LOXHD1: variants seen among roughly 807,000 people sequenced by gnomAD.
The protein encoded by LOXHD1 is lipoxygenase homology domain-containing protein 1.
In LOXHD1, 205 loss-of-function variants were observed where a neutral mutation model predicts 248.2. That is an observed-to-expected ratio of 0.83 (90% CI 0.74 to 0.93). The LOEUF is 0.93. Ranked by LOEUF, LOXHD1 falls within the 40% of genes least tolerant of loss-of-function variation. The pLI, the probability that LOXHD1 is intolerant of heterozygous loss-of-function variation, is 0.00. For synonymous variants in LOXHD1, 1,113 were observed against 1,162.8 expected (o/e 0.96, Z 0.87); for missense variants, 2,930 against 2,971.6 (o/e 0.99, Z 0.33).
chr18:46,586,597 G>A (rs763262370), intron 12 of LOXHD1, among the ~76,000 whole-genome samples: 1 of 137,470 alleles, frequency 7.3e-6, no homozygotes, highest in African/African-American at 2.7e-5. Flanking sequence ...AGGTACCTGC[G>A]ACCATGCCTG....
At chr18:46,511,363 C>T (rs1407443298) in intron 34 of LOXHD1, among the ~76,000 whole-genome samples, 4 of 152,198 alleles carry the variant, frequency 2.6e-5, no homozygotes, top group Admixed American at 6.5e-5. Context: ...GCCCCTGGTT[C>T]ACAGGGACAG....
chr18:46,582,644 A>G (rs1599026250), intron 12 of LOXHD1, among the ~76,000 whole-genome samples: 1 of 152,356 alleles, frequency 6.6e-6, no homozygotes, highest in East Asian at 1.9e-4. Flanking sequence ...AAACATTTCC[A>G]TCAAAAGCCG....
At chr18:46,622,878 TG>T (rs1428045384) in intron 4 of LOXHD1, among the ~76,000 whole-genome samples, 1 of 152,206 alleles carries the variant, frequency 6.6e-6, no homozygotes, top group African/African-American at 2.4e-5. Context: ...TTAAGCTTTT[TG>T]TTCATAGCCT....
At chr18:46,638,375 T>C (rs539435926) in intron 4 of LOXHD1, among the ~76,000 whole-genome samples, 2 of 152,370 alleles carry the variant, frequency 1.3e-5, no homozygotes, top group South Asian at 4.1e-4. Context: ...CTCATGCCTG[T>C]AATCCCAGCA....
intron 4 of LOXHD1, among the ~76,000 whole-genome samples, chr18:46,626,066 C>T (rs1158951230): frequency 6.6e-6 from 1 of 152,128 alleles, no homozygotes; most frequent in African/African-American, 2.4e-5. Flanking sequence ...TCCCTTGAAC[C>T]AACTATTCAA....
intron 4 of LOXHD1, among the ~76,000 whole-genome samples, chr18:46,623,399 T>C (rs564265530): frequency 1.1e-4 from 17 of 152,330 alleles, no homozygotes; most frequent in African/African-American, 4.1e-4. Context: ...ATCTGAAGAA[T>C]ATACAATGAG....
In LOXHD1 at chr18:46,542,681, T is replaced by C. The variant is rs188621921; in HGVS notation, c.3748+46A>G. On this transcript the variant is annotated intron_variant, in intron 24 of 40. Transcript: ENST00000642948. ...CCAGATGCCCACAAGGACCTGTCCA[T>C]GGTCCTTAAAGTCTTAGCAAGGAAC... The C allele has an allele frequency of 3.4e-5, 52 of 1,547,404 alleles. No individual in the cohort carries two copies. In the Admixed American group the frequency reaches 6.9e-4, roughly 20 times the overall value.
chr18:46,572,220 C>T, intron 14 of LOXHD1, 58 bp from the exon 15 acceptor site: 3 of 1,448,962 alleles, frequency 2.1e-6, no homozygotes, highest in Non-Finnish European at 2.8e-6. Flanking sequence ...ACAATCAAAG[C>T]TTCACCCATT....
intron 12 of LOXHD1, among the ~76,000 whole-genome samples, chr18:46,585,710 G>A (rs2038046958): frequency 6.6e-6 from 1 of 152,096 alleles, no homozygotes; most frequent in Admixed American, 6.6e-5. Context: ...ATATAGAACT[G>A]CAAGGGACCC....
intron 1 of LOXHD1, among the ~76,000 whole-genome samples, chr18:46,656,457 C>G (rs887879269): frequency 9.2e-5 from 14 of 152,166 alleles, no homozygotes; most frequent in African/African-American, 3.1e-4. Context: ...TGCAAAGCCC[C>G]AGGCTCCCTG....
chr18:46,509,565 A>G, intron 35 of LOXHD1, 133 bp downstream of exon 35: 1 of 739,394 alleles, frequency 1.4e-6, no homozygotes, highest in South Asian at 1.5e-5. Flanking sequence ...ATACTGGATC[A>G]TATGGGCTGG....
At chr18:46,645,113 T>C (rs555221535) in intron 2 of LOXHD1, among the ~76,000 whole-genome samples, 3 of 152,282 alleles carry the variant, frequency 2.0e-5, no homozygotes, top group Non-Finnish European at 4.4e-5. Context: ...GCTGGGATCA[T>C]CCCAAATAAG....
chr18:46,519,466 T>A (rs566437127), intron 33 of LOXHD1, among the ~76,000 whole-genome samples: 1 of 152,330 alleles, frequency 6.6e-6, no homozygotes, highest in South Asian at 2.1e-4. Flanking sequence ...AGGTTTGAAG[T>A]ATTCTGTGCA....
At chr18:46,572,001 T>C in intron 15 of LOXHD1, 85 bp downstream of exon 15, 1 of 1,173,608 alleles carries the variant, frequency 8.5e-7, no homozygotes. Flanking sequence ...CATGAAGTGC[T>C]CGTGTTTTCT....
chr18:46,619,485 G>C (rs947654786), intron 4 of LOXHD1, among the ~76,000 whole-genome samples: 1 of 152,170 alleles, frequency 6.6e-6, no homozygotes, highest in Non-Finnish European at 1.5e-5. Flanking sequence ...AGTATTTATA[G>C]GAGGGCTGGG....
chr18:46,572,186 T>A (rs761094362), intron 14 of LOXHD1, 24 bp from the exon 15 acceptor site: 35 of 1,547,658 alleles, frequency 2.3e-5, no homozygotes, highest in Non-Finnish European at 3.0e-5. Context: ...GGGGGAATGT[T>A]AGCTCTTTGG....
intron 2 of LOXHD1, among the ~76,000 whole-genome samples, chr18:46,643,001 G>A (rs1198632315): frequency 1.3e-5 from 2 of 152,158 alleles, no homozygotes; most frequent in East Asian, 1.9e-4. Flanking sequence ...ATCCACCATC[G>A]ACGTCTTTTA....
Position 46,601,432 on chromosome 18 carries a change from C to CTGGTG in LOXHD1, c.918_919insCACCA (p.Val307HisfsTer54), listed in dbSNP as rs2038337324. ...TTGGATTTGGTACCAGCCCCCCGGA[C>CTGGTG]ATCCCCAGTGAAGACGGTGACAATA... On this transcript the variant is annotated frameshift_variant, in exon 8 of 41. Transcript: ENST00000642948. LOFTEE classifies it high-confidence loss of function. The CTGGTG allele has an allele frequency of 6.4e-7, 1 of 1,551,632 alleles. No individual in the cohort carries two copies. The highest frequency in any genetic ancestry group is 1.4e-5 in the African/African-American group (1 of 73,040).
intron 16 of LOXHD1, among the ~76,000 whole-genome samples, chr18:46,568,673 A>G (rs1442852751): frequency 6.6e-6 from 1 of 151,938 alleles, no homozygotes; most frequent in African/African-American, 2.4e-5. Context: ...TGACCTCCCC[A>G]TTACTGCTTT....
Sources: allele counts gnomAD v4.1 joint callset (sites outside exome capture counted in the v4.1 genomes callset), GRCh38; gene constraint gnomAD v4.1.1; transcripts MANE v1.5; gene names NCBI Gene and HGNC (gene_info 2026-07-23, HGNC 2026-07-21).